C1orf21: variants seen among roughly 807,000 people sequenced by gnomAD.
The protein encoded by C1orf21 is chromosome 1 open reading frame 21, also known as uncharacterized protein C1orf21.
A neutral mutation model predicts 18.7 loss-of-function variants in C1orf21; 3 were observed. The ratio of observed to expected loss-of-function variants is 0.16; its 90% CI spans 0.07 to 0.42. The LOEUF (loss-of-function observed/expected upper bound fraction) is 0.42. Ranked by LOEUF, C1orf21 falls within the 10% of genes least tolerant of loss-of-function variation. The pLI is 0.99. For missense variants in C1orf21, 104 were observed against 143.6 expected, an observed-to-expected ratio of 0.72 and a Z score of 1.41; for synonymous variants, 41 against 46.4, an observed-to-expected ratio of 0.88 and a Z score of 0.47.
chr1:184,449,345 C>T (rs1052823058), intron 1 of C1orf21, among the ~76,000 whole-genome samples: 9 of 152,106 alleles, frequency 5.9e-5, no homozygotes, highest in Admixed American at 6.6e-5. Context: ...TGATGGTTTC[C>T]AGCTTCATCC....
At chr1:184,571,698 G>T (rs1659115620) in intron 3 of C1orf21, among the ~76,000 whole-genome samples, 1 of 152,154 alleles carries the variant, frequency 6.6e-6, no homozygotes, top group East Asian at 1.9e-4. Context: ...AAAATTGTGT[G>T]TCCCTTCCAG....
rs1390626528 is a variant in C1orf21 at position 184,599,952 on chromosome 1, TAAGG to T, written c.327+1494_327+1497del. Among the ~76,000 whole-genome samples the T allele has an allele frequency of 5.9e-5, 9 of 152,192 alleles. No individual in the cohort carries two copies. In the East Asian group the frequency reaches 1.7e-3, roughly 29 times the overall value. On this transcript the variant is annotated intron_variant, in intron 5 of 5. Transcript: ENST00000235307. ...CACTTCTGGCCGCAGGCATTTCAGA[TAAGG>T]AATACTCAACCTGTATTTTCTTCCC... is the stretch of plus-strand genomic sequence containing the variant.
chr1:184,505,856 C>A (rs553995830), intron 2 of C1orf21, among the ~76,000 whole-genome samples: 1 of 151,876 alleles, frequency 6.6e-6, no homozygotes, highest in South Asian at 2.1e-4. Flanking sequence ...TTAGGGAGGC[C>A]CATTTTTACC....
chr1:184,576,869 C>A (rs1659198423), intron 3 of C1orf21, among the ~76,000 whole-genome samples: 1 of 152,222 alleles, frequency 6.6e-6, no homozygotes, highest in Non-Finnish European at 1.5e-5. Flanking sequence ...TCTTGCAAGG[C>A]CCTGGGGATC....
chr1:184,426,059 C>T (rs370422949), intron 1 of C1orf21, among the ~76,000 whole-genome samples: 2 of 152,216 alleles, frequency 1.3e-5, no homozygotes, highest in East Asian at 1.9e-4. Flanking sequence ...GGCATCATCC[C>T]GATCAAGATA....
At chr1:184,431,544 A>G (rs1412187546) in intron 1 of C1orf21, among the ~76,000 whole-genome samples, 1 of 152,240 alleles carries the variant, frequency 6.6e-6, no homozygotes, top group Non-Finnish European at 1.5e-5. Context: ...AATACCATTG[A>G]GGACATAGGC....
At chr1:184,540,617 G>A (rs150569853) in intron 3 of C1orf21, among the ~76,000 whole-genome samples, 2,596 of 152,216 alleles carry the variant, frequency 0.017, 38 homozygotes, top group Middle Eastern at 0.034. Flanking sequence ...TTTTAGTAGG[G>A]ACAGGGTTTC....
rs386368968 is a variant in C1orf21, at chr1:184,584,133, CTTT to C, written c.190-6586_190-6584del. Among the ~76,000 whole-genome samples the C allele has an allele frequency of 7.9e-3, 896 of 113,230 alleles. 13 individuals are homozygous for C. The highest frequency in any genetic ancestry group is 0.029 in the African/African-American group (844 of 29,458). The allele number at this position is 113,230 out of a possible 152,430, so 74.3% of individuals were successfully genotyped here. A position where few individuals can be genotyped will look rare whatever the true frequency, so the allele number is the denominator to read the frequency against. The stretch of plus-strand genomic sequence containing the variant: ...GTTGGTTTGTTTGCTTGTTCTTCTT[CTTT>C]TTTTTTTTTTTTTTTTTTTAAGAAA... On this transcript the variant is annotated intron_variant, in intron 3 of 5. Transcript: ENST00000235307.
At chr1:184,579,023 C>T (rs1173806975) in intron 3 of C1orf21, among the ~76,000 whole-genome samples, 2 of 145,818 alleles carry the variant, frequency 1.4e-5, no homozygotes, top group Non-Finnish European at 3.0e-5. Flanking sequence ...AAGAACTGAG[C>T]GTCTTGGGTG....
At chr1:184,520,470 C>A (rs1336959794) in intron 3 of C1orf21, among the ~76,000 whole-genome samples, 1 of 152,176 alleles carries the variant, frequency 6.6e-6, no homozygotes, top group Non-Finnish European at 1.5e-5. Context: ...GTTTCCTTTG[C>A]TTCTCCTGAG....
At position 184,446,627 on chromosome 1, in the gene C1orf21, G is replaced by T. The variant is rs190257171; in HGVS notation, c.-124-30759G>T. On this transcript the variant is annotated intron_variant, in intron 1 of 5. Coordinates refer to ENST00000235307, the MANE Select transcript of C1orf21 (RefSeq NM_030806.4). ...AAGGGGAAAAGAAAGACAGACAGAC[G>T]TGTAATGGATACCTATAGATCAGAA... 2.9e-3 allele frequency among the ~76,000 whole-genome samples: 443 copies of T among 151,988 alleles called. 1 individual carries two copies. The highest frequency in any genetic ancestry group is 6.8e-3 in the African/African-American group (283 of 41,452).
chr1:184,572,178 C>T (rs1659122112), intron 3 of C1orf21, among the ~76,000 whole-genome samples: 1 of 152,090 alleles, frequency 6.6e-6, no homozygotes. Flanking sequence ...CCATAAGAGA[C>T]AAGGAATCAA....
intron 1 of C1orf21, among the ~76,000 whole-genome samples, chr1:184,460,698 T>A (rs74567558): frequency 2.0e-5 from 3 of 147,106 alleles, no homozygotes; most frequent in African/African-American, 7.6e-5. Flanking sequence ...TCTTCTTTCT[T>A]TTTTTCTCTT....
chr1:184,582,600 C>A (rs1302718798), intron 3 of C1orf21, among the ~76,000 whole-genome samples: 4 of 152,152 alleles, frequency 2.6e-5, no homozygotes, highest in African/African-American at 7.2e-5. Flanking sequence ...ATTGCTGAAC[C>A]CAGAAAAAGA....
At chr1:184,398,103 C>A (rs1254013730) in intron 1 of C1orf21, among the ~76,000 whole-genome samples, 1 of 152,140 alleles carries the variant, frequency 6.6e-6, no homozygotes, top group Non-Finnish European at 1.5e-5. Flanking sequence ...GGATTCTATC[C>A]TAGTTTCGCC....
At chr1:184,477,290 C>T in intron 1 of C1orf21, 96 bp from the exon 2 acceptor site, 1 of 515,068 alleles carries the variant, frequency 1.9e-6, no homozygotes, top group Non-Finnish European at 3.5e-6. Context: ...CTGTGCATGA[C>T]TTCTAGTATA....
intron 3 of C1orf21, among the ~76,000 whole-genome samples, chr1:184,536,005 C>G (rs1658544710): frequency 6.6e-6 from 1 of 151,992 alleles, no homozygotes; most frequent in Non-Finnish European, 1.5e-5. Context: ...CTATTGTTAC[C>G]CCTGCTGAGT....
At chr1:184,443,204 C>A (rs1169118928) in intron 1 of C1orf21, among the ~76,000 whole-genome samples, 1 of 152,112 alleles carries the variant, frequency 6.6e-6, no homozygotes, top group Non-Finnish European at 1.5e-5. Flanking sequence ...TCCTTGCGTG[C>A]AAATTTATTT....
intron 5 of C1orf21, among the ~76,000 whole-genome samples, chr1:184,610,364 T>C (rs1024010266): frequency 2.0e-5 from 3 of 152,220 alleles, no homozygotes; most frequent in African/African-American, 7.2e-5. Context: ...ATATTTACTG[T>C]GGCCCTTCCC....
Sources: gnomAD v4.1 joint callset for allele counts (sites outside exome capture counted in the v4.1 genomes callset) on GRCh38, gnomAD v4.1.1 for gene constraint, MANE v1.5 for transcripts, NCBI Gene and HGNC (gene_info 2026-07-23, HGNC 2026-07-21) for gene names.